Variants in MYO5A observed in about 807,000 individuals in gnomAD.
The protein encoded by MYO5A is myosin VA, also known as unconventional myosin-Va.
A neutral mutation model predicts 249.7 loss-of-function variants in MYO5A; 98 were observed. The ratio of observed to expected loss-of-function variants is 0.39; its 90% CI spans 0.33 to 0.46. MYO5A has a LOEUF of 0.46. Ranked by LOEUF, MYO5A falls within the 20% of genes least tolerant of loss-of-function variation. MYO5A has a pLI of 0.98. For missense variants in MYO5A, 1,696 were observed against 2,308.8 expected (o/e 0.73, Z 5.44); for synonymous variants, 778 against 810.6 (o/e 0.96, Z 0.68).
chr15:52,316,231 CA>C (rs1434603521), intron 40 of MYO5A, among the ~76,000 whole-genome samples: 6 of 34,446 alleles, frequency 1.7e-4, no homozygotes, highest in Non-Finnish European at 1.9e-4. Context: ...GAGACTCCGT[CA>C]CAAAAAAAAA....
intron 30 of MYO5A, 42 bp downstream of exon 30, chr15:52,346,319 A>T: frequency 8.1e-7 from 1 of 1,230,594 alleles, no homozygotes. Context: ...GCTAAAGATC[A>T]ATATAATTAA....
chr15:52,433,408 AT>A, intron 1 of MYO5A, 123 bp from the exon 2 acceptor site: 1 of 461,276 alleles, frequency 2.2e-6, no homozygotes, highest in Admixed American at 3.6e-5. Context: ...CCAACATGAA[AT>A]TCACTTTTTT....
At chr15:52,336,424 C>G (rs1319430888) in intron 34 of MYO5A, 39 bp downstream of exon 34, 1 of 1,369,248 alleles carries the variant, frequency 7.3e-7, no homozygotes, top group African/African-American at 1.4e-5. Context: ...AGACTCAAAC[C>G]AAGACTCAGT....
rs1310761842 is a variant in MYO5A at position 52,365,148 on chromosome 15, C to T, written c.3161-446G>A. 4.6e-5 allele frequency among the ~76,000 whole-genome samples: 7 copies of T among 152,188 alleles called. No homozygotes were observed. In the East Asian group the frequency reaches 1.2e-3, roughly 25 times the overall value. Reference sequence around the variant, plus strand: ...GAGAATGGCAACTTTTCAGTGGACCCGGTTGTCCTACTCTACAGAGTCTCT... The same window carrying T: ...GAGAATGGCAACTTTTCAGTGGACCTGGTTGTCCTACTCTACAGAGTCTCT... On this transcript the variant is annotated intron_variant, in intron 23 of 41. Transcript: ENST00000399233.
intron 1 of MYO5A, among the ~76,000 whole-genome samples, chr15:52,485,050 T>A (rs1319349227): frequency 6.6e-6 from 1 of 152,124 alleles, no homozygotes; most frequent in Non-Finnish European, 1.5e-5. Flanking sequence ...GTAAACTGTC[T>A]GTTCTTTTGA....
At chr15:52,521,415 T>C (rs1615028) in intron 1 of MYO5A, among the ~76,000 whole-genome samples, 18,025 of 152,190 alleles carry the variant, frequency 0.12, 1,321 homozygotes, top group South Asian at 0.17. Context: ...ACATGCAGGA[T>C]TCCTGGCCAG....
At chr15:52,509,482 C>T (rs1031508017) in intron 1 of MYO5A, among the ~76,000 whole-genome samples, 8 of 152,190 alleles carry the variant, frequency 5.3e-5, no homozygotes, top group African/African-American at 1.9e-4. Context: ...GATCAGCTGA[C>T]AGACAGCATG....
rs2037783513 is a variant in MYO5A at position 52,311,788 on chromosome 15, T to C, written c.*1908A>G. Reference sequence around the variant, plus strand: ...GAGAGAATTTTAAATGTGGAGGAGATGTTAAGAATCAGTGTCCAACTCTCT... The same window carrying C: ...GAGAGAATTTTAAATGTGGAGGAGACGTTAAGAATCAGTGTCCAACTCTCT... On this transcript the variant is annotated 3_prime_UTR_variant, in exon 42 of 42. Coordinates refer to ENST00000399233, the MANE Select transcript of MYO5A (RefSeq NM_001382347.1). 1 of 152,618 alleles carries C rather than the reference T, an allele frequency of 6.6e-6. No individual in the cohort carries two copies. The highest frequency in any genetic ancestry group is 6.5e-5 in the Admixed American group (1 of 15,284). 9.5% of individuals were successfully genotyped at this position (152,618 alleles called of 1,614,324 possible).
At position 52,465,063 on chromosome 15, in the gene MYO5A, G is replaced by C. The variant is rs918914487; in HGVS notation, c.28-31778C>G. ...ATTTCACTGGTATTACCTCATTAAT[G>C]ATGAGCACTAGAAGGGAGATTCTTG... On this transcript the variant is annotated intron_variant, in intron 1 of 41. Coordinates refer to ENST00000399233, the MANE Select transcript of MYO5A (RefSeq NM_001382347.1). Among the ~76,000 whole-genome samples, 4 of 152,204 alleles carry C rather than the reference G, an allele frequency of 2.6e-5. 1 individual carries two copies. The South Asian group carries it at 8.3e-4, about 31-fold the overall frequency.
intron 25 of MYO5A, among the ~76,000 whole-genome samples, chr15:52,358,563 T>C (rs2040362864): frequency 6.6e-6 from 1 of 152,134 alleles, no homozygotes; most frequent in African/African-American, 2.4e-5. Flanking sequence ...GAACTAACAC[T>C]GGGCCAGTTC....
At chr15:52,466,281 C>T (rs1212783210) in intron 1 of MYO5A, among the ~76,000 whole-genome samples, 1 of 152,124 alleles carries the variant, frequency 6.6e-6, no homozygotes, top group South Asian at 2.1e-4. Flanking sequence ...GGAACTGAAA[C>T]CTGTGGGAGG....
intron 40 of MYO5A, among the ~76,000 whole-genome samples, chr15:52,316,810 T>C (rs2038042412): frequency 2.0e-5 from 3 of 152,236 alleles, no homozygotes; most frequent in Non-Finnish European, 4.4e-5. Flanking sequence ...TATAGAACAC[T>C]GTAAGTACTC....
chr15:52,511,563 A>T (rs746994496), intron 1 of MYO5A, among the ~76,000 whole-genome samples: 10 of 152,174 alleles, frequency 6.6e-5, no homozygotes, highest in Non-Finnish European at 1.5e-4. Context: ...GCCTTTAATT[A>T]CTCAGGGGTA....
At chr15:52,399,176 A>G (rs1311001906) in intron 9 of MYO5A, among the ~76,000 whole-genome samples, 2 of 152,164 alleles carry the variant, frequency 1.3e-5, no homozygotes, top group African/African-American at 4.8e-5. Context: ...GAAGTCAATA[A>G]TCTCCCACTC....
chr15:52,522,321 G>A (rs563311194), intron 1 of MYO5A, among the ~76,000 whole-genome samples: 32 of 152,264 alleles, frequency 2.1e-4, no homozygotes, highest in African/African-American at 7.7e-4. Flanking sequence ...CTTAAAATGA[G>A]GGACTTTTCA....
At chr15:52,414,419 T>G (rs1248843063) in intron 5 of MYO5A, among the ~76,000 whole-genome samples, 1 of 152,176 alleles carries the variant, frequency 6.6e-6, no homozygotes, top group Admixed American at 6.5e-5. Context: ...AAATTTTTAA[T>G]ATATTCCTAC....
chr15:52,527,351 A>C (rs369308412), intron 1 of MYO5A, among the ~76,000 whole-genome samples: 1 of 152,248 alleles, frequency 6.6e-6, no homozygotes, highest in East Asian at 1.9e-4. Context: ...ACTTTTAATC[A>C]GTTTCCAATT....
chr15:52,480,162 A>G (rs1438246045), intron 1 of MYO5A, among the ~76,000 whole-genome samples: 1 of 152,214 alleles, frequency 6.6e-6, no homozygotes, highest in African/African-American at 2.4e-5. Flanking sequence ...TTAATTTTCT[A>G]CAACATGTCT....
At chr15:52,458,964 AT>A (rs1345530476) in intron 1 of MYO5A, among the ~76,000 whole-genome samples, 1 of 150,098 alleles carries the variant, frequency 6.7e-6, no homozygotes, top group Non-Finnish European at 1.5e-5. Flanking sequence ...AAGCTTGACA[AT>A]TTTTTTTTCA....
Sources: gnomAD v4.1 joint callset for allele counts (sites outside exome capture counted in the v4.1 genomes callset) on GRCh38, gnomAD v4.1.1 for gene constraint, MANE v1.5 for transcripts, NCBI Gene and HGNC (gene_info 2026-07-23, HGNC 2026-07-21) for gene names.